The following TENT5D variants were observed in gnomAD, a reference collection of about 807,000 sequenced individuals.
TENT5D encodes the protein cancer/testis antigen 112.
For synonymous variants in TENT5D, 103 were observed against 100.6 expected, an observed-to-expected ratio of 1.02 and a Z score of -0.15; for missense variants, 191 against 287.0, an observed-to-expected ratio of 0.67 and a Z score of 2.42.
intron 3 of TENT5D, among the ~76,000 whole-genome samples, chrX:80,398,569 T>C (rs1206152591): frequency 9.0e-6 from 1 of 111,330 alleles, no homozygotes; most frequent in Non-Finnish European, 1.9e-5. Flanking sequence ...TTTTTCTATT[T>C]TGAGTTGATT....
chrX:80,392,375 G>A (rs988234508), intron 3 of TENT5D, among the ~76,000 whole-genome samples: 3 of 108,342 alleles, frequency 2.8e-5, no homozygotes, highest in African/African-American at 6.8e-5. Context: ...TGAAATAAAC[G>A]TTATGCTTTT....
chrX:80,385,750 C>A (rs1461151833), intron 3 of TENT5D, among the ~76,000 whole-genome samples: 5 of 111,891 alleles, frequency 4.5e-5, no homozygotes, highest in Non-Finnish European at 9.4e-5. Flanking sequence ...ACCCCATCAA[C>A]AAGTGGGTGA....
intron 3 of TENT5D, among the ~76,000 whole-genome samples, chrX:80,394,757 C>T (rs1267070171): frequency 1.8e-5 from 2 of 110,967 alleles, no homozygotes; most frequent in African/African-American, 6.6e-5. Context: ...AATAATTGTA[C>T]ATGTTTGTAG....
chrX:80,361,958 T>A (rs1930414832), intron 3 of TENT5D, among the ~76,000 whole-genome samples: 1 of 110,876 alleles, frequency 9.0e-6, no homozygotes, highest in Non-Finnish European at 1.9e-5. Flanking sequence ...AATAGGAAGT[T>A]TTTTATCCCT....
intron 3 of TENT5D, among the ~76,000 whole-genome samples, chrX:80,354,357 T>C (rs773404603): frequency 9.0e-6 from 1 of 111,705 alleles, no homozygotes; most frequent in South Asian, 3.7e-4. Context: ...TTTGGTCTCT[T>C]TACCCCATAT....
intron 3 of TENT5D, among the ~76,000 whole-genome samples, chrX:80,411,585 A>G (rs1301532954): frequency 3.6e-5 from 4 of 112,073 alleles, no homozygotes; most frequent in Non-Finnish European, 7.5e-5. Flanking sequence ...TTACCTTTAC[A>G]TAATTTTTAA....
intron 3 of TENT5D, among the ~76,000 whole-genome samples, chrX:80,388,436 G>C (rs1338355201): frequency 9.0e-6 from 1 of 111,440 alleles, no homozygotes; most frequent in Non-Finnish European, 1.9e-5. Context: ...GGGCTCAAGG[G>C]CTCCTTAGTC....
chrX:80,377,377 C>T (rs745671223), intron 3 of TENT5D, among the ~76,000 whole-genome samples: 2 of 110,808 alleles, frequency 1.8e-5, no homozygotes, highest in South Asian at 7.8e-4. Flanking sequence ...TAATACTATC[C>T]CTCCCCCATA....
At chrX:80,350,925 A>G (rs1930164496) in intron 3 of TENT5D, among the ~76,000 whole-genome samples, 1 of 111,808 alleles carries the variant, frequency 8.9e-6, no homozygotes, top group East Asian at 2.8e-4. Context: ...TTGGCTGGAT[A>G]TTAAATTCTG....
At chrX:80,386,482 C>G (rs1204117183) in intron 3 of TENT5D, among the ~76,000 whole-genome samples, 1 of 110,512 alleles carries the variant, frequency 9.0e-6, no homozygotes, top group Non-Finnish European at 1.9e-5. Context: ...GTGCAGCACA[C>G]CAACATGGCA....
chrX:80,340,537 A>C (rs1929938246), intron 2 of TENT5D, among the ~76,000 whole-genome samples: 1 of 110,823 alleles, frequency 9.0e-6, no homozygotes, highest in Non-Finnish European at 1.9e-5. Context: ...TGCTTTGTAA[A>C]TTTCTCAATT....
intron 3 of TENT5D, among the ~76,000 whole-genome samples, chrX:80,407,543 A>G (rs1460175357): frequency 9.2e-6 from 1 of 108,194 alleles, no homozygotes; most frequent in Non-Finnish European, 1.9e-5. Flanking sequence ...TTCAACAAGA[A>G]GAGCTAACTA....
At chrX:80,349,445 T>C (rs1930131264) in intron 3 of TENT5D, among the ~76,000 whole-genome samples, 1 of 111,966 alleles carries the variant, frequency 8.9e-6, no homozygotes, top group African/African-American at 3.2e-5. Flanking sequence ...TTTATTTGCA[T>C]AGAGGTGTGT....
intron 3 of TENT5D, among the ~76,000 whole-genome samples, chrX:80,401,705 A>G (rs1931392947): frequency 8.9e-6 from 1 of 112,242 alleles, no homozygotes; most frequent in Non-Finnish European, 1.9e-5. Context: ...GATATCTCAC[A>G]TATATTAATG....
intron 3 of TENT5D, among the ~76,000 whole-genome samples, chrX:80,396,234 G>A (rs1055477158): frequency 2.7e-5 from 3 of 110,648 alleles, no homozygotes; most frequent in Admixed American, 9.6e-5. Context: ...GGATCATATG[G>A]TAGTTATAGT....
rs61995724 is a variant in TENT5D at position 80,443,166 on chromosome X, A to G, written c.627A>G (p.Gly209=). The G allele has an allele frequency of 7.4e-4, 890 of 1,209,544 alleles. 6 individuals are homozygous for G. In the African/African-American group the frequency reaches 0.014, roughly 19 times the overall value. The change falls in exon 3 of 3, where the codon GGA becomes GGG. Residue 209 remains glycine (G), a synonymous_variant. Coordinates refer to ENST00000308293, the Ensembl canonical transcript of TENT5D. ...TTGTGGTAGCTGAAAGCATGTATGG[A>G]GACTTCCAGGAAGCAATGACACATT...
At chrX:80,422,525 T>TGCCTACTA (rs1288961312) in intron 1 of TENT5D, among the ~76,000 whole-genome samples, 2 of 111,506 alleles carry the variant, frequency 1.8e-5, no homozygotes, top group Non-Finnish European at 3.8e-5. Context: ...TTCTCTTGCT[T>TGCCTACTA]GCCTACTAGC....
chrX:80,409,925 C>G (rs1273781488), intron 3 of TENT5D, among the ~76,000 whole-genome samples: 2 of 108,076 alleles, frequency 1.9e-5, no homozygotes, highest in Admixed American at 2.0e-4. Context: ...CAGAACAGAG[C>G]CCTCAGAAAT....
intron 3 of TENT5D, among the ~76,000 whole-genome samples, chrX:80,372,334 T>C (rs1315763104): frequency 1.8e-5 from 2 of 111,704 alleles, no homozygotes; most frequent in African/African-American, 6.5e-5. Context: ...AGGTATAAAT[T>C]GGGTAGAGAC....
Sources: allele counts gnomAD v4.1 joint callset (sites outside exome capture counted in the v4.1 genomes callset), GRCh38; gene constraint gnomAD v4.1.1; transcripts MANE v1.5; gene names NCBI Gene and HGNC (gene_info 2026-07-23, HGNC 2026-07-21).